HDHD5: variants seen among roughly 807,000 people sequenced by gnomAD.
HDHD5 encodes the protein haloacid dehalogenase-like hydrolase domain-containing 5.
In HDHD5, 34 loss-of-function variants were observed where a neutral mutation model predicts 35.5. The observed-to-expected ratio is 0.96, with a 90% CI of 0.73 to 1.28. The LOEUF (loss-of-function observed/expected upper bound fraction) is 1.28, where lower values mean the gene tolerates loss of function less well. HDHD5 is among the 50% of genes most tolerant of loss of function. The probability of loss-of-function intolerance (pLI) is 0.00; values close to 1 mark genes in which losing one functional copy is unlikely to be tolerated. For synonymous variants in HDHD5, 248 were observed against 240.6 expected (o/e 1.03, Z -0.29); for missense variants, 589 against 560.2 (o/e 1.05, Z -0.52).
At chr22:17,161,894 A>T (rs996920541), upstream of HDHD5, among the ~76,000 whole-genome samples, 1 of 151,964 alleles carries the variant, frequency 6.6e-6, no homozygotes, top group African/African-American at 2.4e-5. Context: ...AAGAAAAAAA[A>T]AAAACCTGGA....
chr22:17,155,377 C>A (rs915144838), intron 1 of HDHD5, among the ~76,000 whole-genome samples: 3 of 151,954 alleles, frequency 2.0e-5, no homozygotes, highest in Non-Finnish European at 4.4e-5. Context: ...TCCCAAGTAG[C>A]TGGGACTACA....
In HDHD5 at chr22:17,159,264, G is replaced by T. The variant is rs755723307; in HGVS notation, c.-13C>A. The T allele has an allele frequency of 5.0e-4, 595 of 1,199,810 alleles. 1 individual carries two copies. Among genetic ancestry groups the T allele is most frequent in the Non-Finnish European group, 5.9e-4 (571 of 964,316 alleles). The allele number at this position is 1,199,810 out of a possible 1,614,324, so 74.3% of individuals were successfully genotyped here. A position where few individuals can be genotyped will look rare whatever the true frequency, so the allele number is the denominator to read the frequency against. The stretch of plus-strand genomic sequence containing the variant: ...CCCACGCAGCCATCCGGCCGTCGCC[G>T]TGCGCACGTGCACGGCGTGCGGCCC... On this transcript the variant is annotated 5_prime_UTR_variant, in exon 1 of 8. Coordinates refer to ENST00000336737, the MANE Select transcript of HDHD5 (RefSeq NM_033070.3).
At chr22:17,163,674 C>T (rs916687900), upstream of HDHD5, among the ~76,000 whole-genome samples, 1 of 152,260 alleles carries the variant, frequency 6.6e-6, no homozygotes, top group Non-Finnish European at 1.5e-5. Flanking sequence ...GCCTGCCTTG[C>T]TTTCGGTCAT....
chr22:17,160,075 T>C (rs552822980), upstream of HDHD5, among the ~76,000 whole-genome samples: 2 of 152,330 alleles, frequency 1.3e-5, no homozygotes, highest in African/African-American at 2.4e-5. Flanking sequence ...GAGGTCTCCA[T>C]TCCCACCGTT....
chr22:17,138,697 T>G lies in HDHD5; in HGVS notation c.788A>C (p.Tyr263Ser), dbSNP rs1162097157. 1 of 1,614,184 alleles carries G rather than the reference T, an allele frequency of 6.2e-7. No individual in the cohort carries two copies. Among genetic ancestry groups the G allele is most frequent in the Non-Finnish European group, 8.5e-7 (1 of 1,180,026 alleles). Residue 263 changes from tyrosine to serine, a missense_variant, in exon 7 of 8, where the codon TAC becomes TCC. Physicochemically the swap from Tyr to Ser is moderately radical, Grantham distance 144 (BLOSUM62 -2). Coordinates refer to ENST00000336737, the MANE Select transcript of HDHD5 (RefSeq NM_033070.3). ...GTFLLCLETI[Y>S]QKVTGKELRY... ...CAGCTCCTTGCCCGTCACTTTCTGG[T>G]AAATGGTTTCCAGGCACAGCAGAAA...
chr22:17,158,043 G>A (rs1353154009), intron 1 of HDHD5, among the ~76,000 whole-genome samples: 1 of 152,176 alleles, frequency 6.6e-6, no homozygotes, highest in Non-Finnish European at 1.5e-5. Context: ...TAATTTGGCC[G>A]GGTGCACTGG....
upstream of HDHD5, chr22:17,159,617 C>T: frequency 2.5e-6 from 1 of 404,306 alleles, no homozygotes; most frequent in Non-Finnish European, 4.8e-6. Context: ...GGCCGGGGGT[C>T]TCAACCTTGA....
intron 6 of HDHD5, among the ~76,000 whole-genome samples, chr22:17,139,472 G>A (rs1283763898): frequency 4.6e-5 from 7 of 151,792 alleles, no homozygotes; most frequent in Admixed American, 1.3e-4. Context: ...AGGTTGCAGC[G>A]GGCCAAGATT....
chr22:17,159,154 C>G lies in HDHD5; in HGVS notation c.98G>C (p.Arg33Pro). 8.2e-7 allele frequency: 1 copy of G among 1,223,806 alleles called. No homozygotes were observed. Among genetic ancestry groups the G allele is most frequent in the Non-Finnish European group, 1.0e-6 (1 of 981,442 alleles). 75.8% of individuals were successfully genotyped at this position (1,223,806 alleles called of 1,614,324 possible). The stretch of plus-strand genomic sequence containing the variant: ...AGCGGGGCCCACAGCATAGCACCTG[C>G]GGGCGGGGCGGCCCTGGAGCCCCGC... ...AAAGLQGRPA[R>P]RCYAVGPAQS... The change falls in exon 1 of 8, where the codon CGC becomes CCC. Residue 33 changes from arginine (R) to proline (P), a missense_variant. Transcript: ENST00000336737.
intron 6 of HDHD5, among the ~76,000 whole-genome samples, 181 bp downstream of exon 6, chr22:17,140,878 A>G (rs2061591706): frequency 1.3e-5 from 2 of 152,178 alleles, no homozygotes; most frequent in Admixed American, 1.3e-4. Context: ...TTAGTAACTA[A>G]TATGTGGAGT....
At chr22:17,149,341 G>A (rs1220960457) in intron 2 of HDHD5, among the ~76,000 whole-genome samples, 1 of 152,160 alleles carries the variant, frequency 6.6e-6, no homozygotes, top group African/African-American at 2.4e-5. Context: ...CACCCCCAAT[G>A]CCCAGAAGAA....
intron 5 of HDHD5, chr22:17,142,044 A>C (rs999700752): frequency 6.6e-6 from 1 of 152,168 alleles, no homozygotes; most frequent in Non-Finnish European, 1.5e-5. Flanking sequence ...AATCCTGTGC[A>C]ATCAAAAACT....
intron 1 of HDHD5, among the ~76,000 whole-genome samples, chr22:17,150,541 CAG>C (rs969502030): frequency 7.4e-6 from 1 of 135,032 alleles, no homozygotes; most frequent in African/African-American, 3.0e-5. Flanking sequence ...TTTTTTGAGA[CAG>C]AGTCTTGCTC....
Position 17,141,085 on chromosome 22 carries a change from C to T in HDHD5, c.720G>A (p.Leu240=), listed in dbSNP as rs777925157. Residue 240 remains leucine (L), a synonymous_variant, in exon 6 of 8, where the codon CTG becomes CTA. Transcript: ENST00000336737. ...TGGGCATCTTGGCTTCAGCCATCCA[C>T]AGGAGATCCATGTTGCTGGCTAGGA... ...LPVLASNMDL[L]WMAEAKMPRF... 6.3e-7 allele frequency: 1 copy of T among 1,591,000 alleles called. No individual in the cohort carries two copies. The highest frequency in any genetic ancestry group is 1.4e-5 in the African/African-American group (1 of 73,136).
rs144197552 is a variant in HDHD5 at position 17,138,862 on chromosome 22, A to C, written c.747-124T>G. The C allele has an allele frequency of 1.1e-4, 110 of 1,018,038 alleles. No homozygotes were observed. The East Asian group carries it at 2.7e-3, about 25-fold the overall frequency. The allele number at this position is 1,018,038 out of a possible 1,614,324, so 63.1% of individuals were successfully genotyped here. A position where few individuals can be genotyped will look rare whatever the true frequency, so the allele number is the denominator to read the frequency against. On this transcript the variant is annotated intron_variant, in intron 6 of 7. Coordinates refer to ENST00000336737, the MANE Select transcript of HDHD5 (RefSeq NM_033070.3). ...CCTTTTCCCCAGGGTAAGAGCTGAC[A>C]TGTAGCAGACACTGTGCAGGCACTG...
intron 1 of HDHD5, among the ~76,000 whole-genome samples, chr22:17,158,129 T>C (rs974875309): frequency 2.0e-5 from 3 of 152,176 alleles, no homozygotes; most frequent in South Asian, 2.1e-4. Context: ...GAGACCAGCC[T>C]GGCCAACATG....
At chr22:17,162,085 T>C (rs1404757816), upstream of HDHD5, among the ~76,000 whole-genome samples, 2 of 152,106 alleles carry the variant, frequency 1.3e-5, no homozygotes, top group Non-Finnish European at 2.9e-5. Context: ...ATAGTAGAGT[T>C]GTCATGTGGT....
At chr22:17,145,647 G>A (rs2061654220) in intron 3 of HDHD5, among the ~76,000 whole-genome samples, 1 of 152,064 alleles carries the variant, frequency 6.6e-6, no homozygotes, top group African/African-American at 2.4e-5. Flanking sequence ...AGCTATGATT[G>A]CACCACTGCA....
chr22:17,140,890 G>A (rs1186895949), intron 6 of HDHD5, among the ~76,000 whole-genome samples, 169 bp downstream of exon 6: 2 of 152,172 alleles, frequency 1.3e-5, no homozygotes, highest in Non-Finnish European at 2.9e-5. Flanking sequence ...ATGTGGAGTG[G>A]TCCTTGAAAG....
Sources: allele counts gnomAD v4.1 joint callset (sites outside exome capture counted in the v4.1 genomes callset), GRCh38; gene constraint gnomAD v4.1.1; transcripts MANE v1.5; gene names NCBI Gene and HGNC (gene_info 2026-07-23, HGNC 2026-07-21).